Variants in GARS1 observed in about 807,000 individuals in gnomAD.
GARS1 encodes glycyl-tRNA synthetase 1.
In GARS1, 46 loss-of-function variants were observed where a neutral mutation model predicts 86.4. The ratio of observed to expected loss-of-function variants is 0.53; its 90% CI spans 0.42 to 0.68. The LOEUF is 0.68. Among genes scored for constraint, GARS1 ranks in the 30% least tolerant of loss-of-function variants. GARS1 has a pLI of 0.00. For synonymous variants in GARS1, 342 were observed against 329.8 expected, an observed-to-expected ratio of 1.04 and a Z score of -0.40; for missense variants, 797 against 915.6, an observed-to-expected ratio of 0.87 and a Z score of 1.67.
At chr7:30,601,340 CAAAGA>C in intron 4 of GARS1, 140 bp downstream of exon 4, 1 of 747,506 alleles carries the variant, frequency 1.3e-6, no homozygotes, top group Non-Finnish European at 2.1e-6. Flanking sequence ...TATGGAAAAG[CAAAGA>C]AATGTATACC....
intron 10 of GARS1, among the ~76,000 whole-genome samples, chr7:30,619,776 C>CTTTTT (rs61613428): frequency 3.2e-5 from 4 of 124,276 alleles, no homozygotes; most frequent in Non-Finnish European, 5.0e-5. Context: ...TTCTTTTTTT[C>CTTTTT]TTTTTTTTTT....
intron 16 of GARS1, among the ~76,000 whole-genome samples, chr7:30,633,284 GC>G (rs1562784638): frequency 6.6e-6 from 1 of 152,162 alleles, no homozygotes; most frequent in African/African-American, 2.4e-5. Context: ...GGGTGGAGAG[GC>G]AGAGGGGGCA....
intron 6 of GARS1, among the ~76,000 whole-genome samples, chr7:30,608,475 G>A (rs1791529044): frequency 6.6e-6 from 1 of 152,146 alleles, no homozygotes; most frequent in Non-Finnish European, 1.5e-5. Flanking sequence ...CATTGATCCA[G>A]CCTCTTGGGT....
At chr7:30,623,598 C>T (rs76868954) in intron 12 of GARS1, among the ~76,000 whole-genome samples, 1,679 of 152,116 alleles carry the variant, frequency 0.011, 25 homozygotes, top group African/African-American at 0.039. Context: ...TCCAGTGGGA[C>T]AATATCAGGC....
chr7:30,603,980 C>T (rs1791433379), intron 6 of GARS1, among the ~76,000 whole-genome samples: 1 of 152,144 alleles, frequency 6.6e-6, no homozygotes, highest in Non-Finnish European at 1.5e-5. Flanking sequence ...TGCTATTATT[C>T]TTAGAACCTC....
chr7:30,622,003 T>A (rs1584044118), intron 11 of GARS1: 1 of 404,250 alleles, frequency 2.5e-6, no homozygotes, highest in Non-Finnish European at 4.6e-6. Flanking sequence ...AGGAAATAGA[T>A]CTTGTTTTGA....
intron 14 of GARS1, among the ~76,000 whole-genome samples, chr7:30,629,191 T>TA (rs994121797): frequency 1.3e-4 from 20 of 151,974 alleles, no homozygotes; most frequent in Middle Eastern, 3.4e-3. Flanking sequence ...GGGGTTTTTT[T>TA]AAAAAAAATA....
rs571426715 is a variant in GARS1 at position 30,613,583 on chromosome 7, T to A, written c.1031+1338T>A. 9.4e-4 allele frequency among the ~76,000 whole-genome samples: 143 copies of A among 152,320 alleles called. 2 individuals are homozygous for A. The South Asian group carries it at 0.013, about 14-fold the overall frequency. ...GAAGTAAGGCAGTGTCTGGGGCCTG[T>A]GCAGTAAAAAAGTGGTGAGTAGGGA... On this transcript the variant is annotated intron_variant, in intron 8 of 16. Transcript: ENST00000389266.
chr7:30,599,438 T>A lies in GARS1; in HGVS notation c.325-509T>A, dbSNP rs538320823. Among the ~76,000 whole-genome samples, 3 of 152,264 alleles carry A rather than the reference T, an allele frequency of 2.0e-5. No homozygotes were observed. The East Asian group carries it at 5.8e-4, about 29-fold the overall frequency. On this transcript the variant is annotated intron_variant, in intron 2 of 16. Coordinates refer to ENST00000389266, the MANE Select transcript of GARS1 (RefSeq NM_002047.4). ...TTTTTTTTGAGATGGAGTCTCGCCC[T>A]GTTGCCCAGGCTGGAGTGCAATGGT...
chr7:30,618,214 A>G (rs1180393496), intron 10 of GARS1, among the ~76,000 whole-genome samples: 1 of 152,136 alleles, frequency 6.6e-6, no homozygotes, highest in African/African-American at 2.4e-5. Flanking sequence ...CAGGTGTTTT[A>G]TGTCTCTTCT....
chr7:30,597,239 C>G (rs1375171283), intron 1 of GARS1, among the ~76,000 whole-genome samples: 2 of 151,966 alleles, frequency 1.3e-5, no homozygotes. Flanking sequence ...TCCAGGTGAC[C>G]AATGCATGAT....
At chr7:30,628,487 T>G in intron 13 of GARS1, 73 bp from the exon 14 acceptor site, 1 of 1,132,848 alleles carries the variant, frequency 8.8e-7, no homozygotes, top group Non-Finnish European at 1.3e-6. Flanking sequence ...AGCTGGTGAA[T>G]TGTTTAGAGA....
In GARS1 at chr7:30,609,578, C is replaced by A; in HGVS notation, c.736-7C>A. ...CTTTTACACTAATTTCTTTATATGT[C>A]TTTTAGCTTGATAACTATGGACAGC... is the stretch of plus-strand genomic sequence containing the variant. On this transcript the variant is annotated splice_polypyrimidine_tract_variant and splice_region_variant and intron_variant, in intron 6 of 16. Coordinates refer to ENST00000389266, the MANE Select transcript of GARS1 (RefSeq NM_002047.4). 6.2e-7 allele frequency: 1 copy of A among 1,611,092 alleles called. No homozygotes were observed. Among genetic ancestry groups the A allele is most frequent in the East Asian group, 2.2e-5 (1 of 44,760 alleles).
At chr7:30,623,631 G>C (rs1783064668) in intron 12 of GARS1, among the ~76,000 whole-genome samples, 1 of 152,158 alleles carries the variant, frequency 6.6e-6, no homozygotes, top group Admixed American at 6.5e-5. Flanking sequence ...GTGTAATTGA[G>C]AGTCCTAGAG....
intron 6 of GARS1, among the ~76,000 whole-genome samples, chr7:30,607,016 C>A (rs1400092754): frequency 6.6e-6 from 1 of 152,148 alleles, no homozygotes; most frequent in Admixed American, 6.5e-5. Flanking sequence ...TTAACAGTCT[C>A]AGAATGACAA....
At chr7:30,605,221 C>T (rs1329229605) in intron 6 of GARS1, among the ~76,000 whole-genome samples, 1 of 152,208 alleles carries the variant, frequency 6.6e-6, no homozygotes, top group African/African-American at 2.4e-5. Context: ...ATCATTGTTT[C>T]TTTAAAAGGC....
intron 8 of GARS1, 36 bp downstream of exon 8, chr7:30,612,281 A>T: frequency 6.3e-7 from 1 of 1,595,948 alleles, no homozygotes; most frequent in Non-Finnish European, 8.6e-7. Flanking sequence ...TTAGTGAATG[A>T]CCTTGGCATT....
At chr7:30,610,102 G>A (rs566619799) in intron 7 of GARS1, among the ~76,000 whole-genome samples, 10 of 152,306 alleles carry the variant, frequency 6.6e-5, no homozygotes, top group African/African-American at 2.4e-4. Context: ...GGAACTTTCT[G>A]CAGTGATGGA....
intron 13 of GARS1, chr7:30,627,284 T>G (rs2128135716): frequency 4.3e-6 from 1 of 230,762 alleles, no homozygotes; most frequent in Non-Finnish European, 8.8e-6. Context: ...CATCACACTC[T>G]GGGGCTTTTC....
Sources: allele counts gnomAD v4.1 joint callset (sites outside exome capture counted in the v4.1 genomes callset), GRCh38; gene constraint gnomAD v4.1.1; transcripts MANE v1.5; gene names NCBI Gene and HGNC (gene_info 2026-07-23, HGNC 2026-07-21).